The following FMN2 variants were observed in gnomAD, a reference collection of about 807,000 sequenced individuals.
The protein encoded by FMN2 is formin-2.
A neutral mutation model predicts 142.3 loss-of-function variants in FMN2; 51 were observed. The observed-to-expected ratio is 0.36, with a 90% confidence interval of 0.29 to 0.45. FMN2 has a LOEUF of 0.45. FMN2 is among the 20% of genes least tolerant of loss of function. The pLI is 1.00. For synonymous variants in FMN2, 882 were observed against 869.8 expected (o/e 1.01, Z -0.25); for missense variants, 1,936 against 2,122.8 (o/e 0.91, Z 1.73).
At chr1:240,434,662 T>C (rs186030181) in intron 15 of FMN2, among the ~76,000 whole-genome samples, 72 of 151,592 alleles carry the variant, frequency 4.7e-4, no homozygotes, top group Admixed American at 3.7e-3. Flanking sequence ...CCCGGGTTCA[T>C]GCCATTCTCC....
chr1:240,101,960 G>A (rs187444803), intron 1 of FMN2, among the ~76,000 whole-genome samples: 1,594 of 152,172 alleles, frequency 0.01, 15 homozygotes, highest in Non-Finnish European at 0.015. Flanking sequence ...TGCAATGTAA[G>A]TCATCTCTTG....
chr1:240,460,751 CGT>C (rs1222276223), intron 16 of FMN2, among the ~76,000 whole-genome samples: 32 of 151,768 alleles, frequency 2.1e-4, no homozygotes, highest in East Asian at 7.7e-4. Flanking sequence ...CTGAAAATCA[CGT>C]ATTTATTAAA....
chr1:240,235,221 CCAGGG>C (rs1667662234), intron 6 of FMN2, among the ~76,000 whole-genome samples: 1 of 152,080 alleles, frequency 6.6e-6, no homozygotes, highest in Non-Finnish European at 1.5e-5. Context: ...TTCTTTCTGT[CCAGGG>C]TATCCTCATA....
chr1:240,169,524 T>C (rs1301986156), intron 2 of FMN2, among the ~76,000 whole-genome samples: 10 of 152,182 alleles, frequency 6.6e-5, no homozygotes, highest in Admixed American at 6.5e-4. Flanking sequence ...AGTACAGTGG[T>C]GCGATCACAG....
chr1:240,202,145 T>C (rs1207838009), intron 4 of FMN2, among the ~76,000 whole-genome samples: 1 of 152,212 alleles, frequency 6.6e-6, no homozygotes, highest in East Asian at 1.9e-4. Flanking sequence ...TCTGCAAATG[T>C]AGTTTTTCTT....
intron 16 of FMN2, among the ~76,000 whole-genome samples, chr1:240,464,446 CA>C (rs937648661): frequency 1.3e-5 from 2 of 151,948 alleles, no homozygotes; most frequent in African/African-American, 2.4e-5. Flanking sequence ...ATATACCCGA[CA>C]AAAAAATGGT....
rs529707947 is a variant in FMN2 at position 240,144,802 on chromosome 1, G to A, written c.1782+21457G>A. ...CGTCGTGGACCATGTTGTAGGGGAC[G>A]ATTTCCTTCACCAGAGTGAGCAGTG... On this transcript the variant is annotated intron_variant, in intron 2 of 17. Coordinates refer to ENST00000319653, the MANE Select transcript of FMN2 (RefSeq NM_020066.5). The A allele has an allele frequency of 1.4e-3, 1,938 of 1,432,766 alleles. 1 individual carries two copies. The highest frequency in any genetic ancestry group is 2.6e-3 in the Middle Eastern group (15 of 5,712). The allele number at this position is 1,432,766 out of a possible 1,614,324, so 88.8% of individuals were successfully genotyped here.
chr1:240,242,419 G>A (rs965468174), intron 6 of FMN2, among the ~76,000 whole-genome samples: 2 of 152,084 alleles, frequency 1.3e-5, no homozygotes, highest in Admixed American at 1.3e-4. Context: ...TGAAATTCTC[G>A]CTTCTAGTTT....
intron 14 of FMN2, among the ~76,000 whole-genome samples, chr1:240,389,164 T>C (rs1309467933): frequency 6.6e-6 from 1 of 152,240 alleles, no homozygotes; most frequent in African/African-American, 2.4e-5. Flanking sequence ...CGGCATACTT[T>C]ATTTAAATGA....
intron 1 of FMN2, among the ~76,000 whole-genome samples, chr1:240,100,055 C>T (rs188271629): frequency 8.5e-5 from 13 of 152,282 alleles, no homozygotes; most frequent in African/African-American, 2.9e-4. Flanking sequence ...GTTGAGTATC[C>T]AGGCTTCCTA....
chr1:240,454,527 G>A (rs1320977454), intron 16 of FMN2, among the ~76,000 whole-genome samples: 2 of 152,182 alleles, frequency 1.3e-5, no homozygotes, highest in Non-Finnish European at 2.9e-5. Context: ...CGGTGATGGA[G>A]TGAGACTCTC....
chr1:240,307,647 A>G (rs1268431006), intron 8 of FMN2, among the ~76,000 whole-genome samples: 4 of 152,090 alleles, frequency 2.6e-5, no homozygotes, highest in Non-Finnish European at 5.9e-5. Flanking sequence ...TGTAGCCTTG[A>G]AGTATAGTTA....
chr1:240,220,706 C>A (rs1436482573), intron 6 of FMN2, among the ~76,000 whole-genome samples: 1 of 151,236 alleles, frequency 6.6e-6, no homozygotes, highest in Non-Finnish European at 1.5e-5. Context: ...TTATTAATCC[C>A]ATTTTATTTA....
At chr1:240,214,315 G>A (rs1248615913) in intron 6 of FMN2, among the ~76,000 whole-genome samples, 3 of 152,022 alleles carry the variant, frequency 2.0e-5, no homozygotes, top group African/African-American at 7.2e-5. Context: ...ACTTTCAGAG[G>A]CCGAGGCGGG....
chr1:240,403,343 T>G (rs773406356), intron 15 of FMN2, among the ~76,000 whole-genome samples: 8 of 152,234 alleles, frequency 5.3e-5, no homozygotes, highest in Non-Finnish European at 1.2e-4. Context: ...TATATAAAAC[T>G]TTAAAAATGC....
chr1:240,269,042 A>G (rs1311626893), intron 7 of FMN2, among the ~76,000 whole-genome samples: 1 of 151,962 alleles, frequency 6.6e-6, no homozygotes, highest in African/African-American at 2.4e-5. Flanking sequence ...GTGCAGAAGC[A>G]TTTTGATTTG....
intron 14 of FMN2, among the ~76,000 whole-genome samples, chr1:240,368,378 A>G (rs891021595): frequency 1.3e-5 from 2 of 151,744 alleles, no homozygotes; most frequent in East Asian, 1.9e-4. Context: ...ACTAGTGTTT[A>G]TTTATGTTTC....
chr1:240,180,301 A>C, intron 3 of FMN2: 1 of 510,456 alleles, frequency 2.0e-6, no homozygotes, highest in Non-Finnish European at 3.1e-6. Flanking sequence ...TTCTGTTGTG[A>C]CTCCCTGACG....
In FMN2 at chr1:240,091,947, T is replaced by A; in HGVS notation, c.-163T>A. 1 of 1,220,432 alleles carries A rather than the reference T, an allele frequency of 8.2e-7. No individual in the cohort carries two copies. Among genetic ancestry groups the A allele is most frequent in the Non-Finnish European group, 1.1e-6 (1 of 936,524 alleles). The allele number at this position is 1,220,432 out of a possible 1,614,324, so 75.6% of individuals were successfully genotyped here. ...GCGCATTATGCAAAGCGGCGGCAGA[T>A]GCGAGCGGGGCCAGCCGGGCGCGCG... On this transcript the variant is annotated 5_prime_UTR_variant, in exon 1 of 18. The change abolishes an upstream ATG in the 5' untranslated region. Coordinates refer to ENST00000319653, the MANE Select transcript of FMN2 (RefSeq NM_020066.5).
Sources: allele counts gnomAD v4.1 joint callset (sites outside exome capture counted in the v4.1 genomes callset), GRCh38; gene constraint gnomAD v4.1.1; transcripts MANE v1.5; gene names NCBI Gene and HGNC (gene_info 2026-07-23, HGNC 2026-07-21).